NUBPL: variants seen among roughly 807,000 people sequenced by gnomAD.
NUBPL encodes NUBP iron-sulfur cluster assembly factor, mitochondrial, also known as iron-sulfur cluster transfer protein NUBPL.
A neutral mutation model predicts 45.7 loss-of-function variants in NUBPL; 31 were observed. The ratio of observed to expected loss-of-function variants is 0.68; its 90% confidence interval spans 0.51 to 0.92. The LOEUF is 0.92. NUBPL is among the 40% of genes least tolerant of loss of function. NUBPL has a pLI of 0.00. For synonymous variants in NUBPL, 144 were observed against 140.9 expected (o/e 1.02, Z -0.15); for missense variants, 401 against 398.7 (o/e 1.01, Z -0.05).
In NUBPL at chr14:31,676,180, C is replaced by T. The variant is rs371721388; in HGVS notation, c.513+2606C>T. 3.9e-5 allele frequency among the ~76,000 whole-genome samples: 6 copies of T among 152,216 alleles called. No individual in the cohort carries two copies. In the East Asian group the frequency reaches 9.7e-4, roughly 25 times the overall value. On this transcript the variant is annotated intron_variant, in intron 6 of 10. Transcript: ENST00000281081. Reference sequence around the variant, plus strand: ...TGGGACTACAAGGCATGCGCCACCACGCCTGGCTAATTTTGTATTTTTAGT... The same window carrying T: ...TGGGACTACAAGGCATGCGCCACCATGCCTGGCTAATTTTGTATTTTTAGT...
At position 31,561,523 on chromosome 14, in the gene NUBPL, C is replaced by A; in HGVS notation, c.84C>A (p.Ser28Arg). ...GGGATAPLGG[S>R]RAMVCGRQLS... Reference sequence around the variant, plus strand: ...GGGCCACTGCCCCGCTTGGGGGAAGCCGAGCGATGGTTTGTGGGCGCCAGG... The same window carrying A: ...GGGCCACTGCCCCGCTTGGGGGAAGACGAGCGATGGTTTGTGGGCGCCAGG... The change falls in exon 1 of 11, where the codon AGC becomes AGA. Residue 28 changes from serine to arginine, a missense_variant. Transcript: ENST00000281081. 7.2e-7 allele frequency: 1 copy of A among 1,382,194 alleles called. No individual in the cohort carries two copies. Among genetic ancestry groups the A allele is most frequent in the Non-Finnish European group, 9.4e-7 (1 of 1,060,424 alleles). The allele number at this position is 1,382,194 out of a possible 1,614,324, so 85.6% of individuals were successfully genotyped here.
At chr14:31,853,542 A>G (rs2040573213) in intron 10 of NUBPL, among the ~76,000 whole-genome samples, 1 of 152,238 alleles carries the variant, frequency 6.6e-6, no homozygotes, top group Non-Finnish European at 1.5e-5. Context: ...CTTTAGAATT[A>G]CACACTGAGG....
chr14:31,614,985 A>AT (rs1214604376), intron 4 of NUBPL, among the ~76,000 whole-genome samples: 2 of 152,158 alleles, frequency 1.3e-5, no homozygotes, highest in Non-Finnish European at 2.9e-5. Flanking sequence ...GGTATTGAGG[A>AT]TTGACAATGA....
At chr14:31,583,851 G>A (rs773640870) in intron 3 of NUBPL, among the ~76,000 whole-genome samples, 2 of 152,172 alleles carry the variant, frequency 1.3e-5, no homozygotes, top group South Asian at 2.1e-4. Flanking sequence ...GGATATGGGA[G>A]TGGAGAGGAA....
At chr14:31,570,930 T>C (rs1180029726) in intron 3 of NUBPL, among the ~76,000 whole-genome samples, 2 of 152,196 alleles carry the variant, frequency 1.3e-5, no homozygotes, top group Admixed American at 6.5e-5. Flanking sequence ...TCTCTCACTA[T>C]TGAAATCACA....
chr14:31,570,387 AG>A (rs2033550615), intron 3 of NUBPL, among the ~76,000 whole-genome samples: 1 of 152,216 alleles, frequency 6.6e-6, no homozygotes, highest in Non-Finnish European at 1.5e-5. Context: ...TAAGGACAAA[AG>A]GAAGACAAAT....
chr14:31,681,773 C>T (rs1488531419), intron 6 of NUBPL, among the ~76,000 whole-genome samples: 2 of 151,926 alleles, frequency 1.3e-5, no homozygotes, highest in South Asian at 2.1e-4. Context: ...TTTCTAATTT[C>T]CTTCTTTTGC....
chr14:31,573,230 C>T (rs1340922915), intron 3 of NUBPL, among the ~76,000 whole-genome samples: 5 of 152,160 alleles, frequency 3.3e-5, no homozygotes, highest in Non-Finnish European at 5.9e-5. Context: ...ATGTCACCAC[C>T]GTTGTATATG....
intron 6 of NUBPL, among the ~76,000 whole-genome samples, chr14:31,725,802 C>T (rs777022152): frequency 3.3e-5 from 5 of 150,248 alleles, no homozygotes; most frequent in Admixed American, 6.7e-5. Flanking sequence ...CTCCACCTCC[C>T]GGGTTTAAAC....
At chr14:31,612,189 A>G (rs1024448969) in intron 4 of NUBPL, among the ~76,000 whole-genome samples, 6 of 152,226 alleles carry the variant, frequency 3.9e-5, no homozygotes, top group Non-Finnish European at 8.8e-5. Context: ...TTAATAATGA[A>G]TATATTACTT....
At chr14:31,685,210 C>T (rs145756383) in intron 6 of NUBPL, among the ~76,000 whole-genome samples, 1 of 152,214 alleles carries the variant, frequency 6.6e-6, no homozygotes, top group East Asian at 1.9e-4. Flanking sequence ...GTTTGGGAAT[C>T]ACTGGTGTGG....
intron 6 of NUBPL, among the ~76,000 whole-genome samples, chr14:31,754,547 T>C (rs1466717017): frequency 6.6e-6 from 1 of 150,870 alleles, no homozygotes; most frequent in East Asian, 1.9e-4. Context: ...ATCTATAGAT[T>C]TAGAAGATTG....
At position 31,841,917 on chromosome 14, in the gene NUBPL, C is replaced by CTTTTGTTTTTTTTTTTTTT; in HGVS notation, c.694-4550_694-4549insGTTTTTTTTTTTTTTTTTT. Among the ~76,000 whole-genome samples, 345 of 43,048 alleles carry CTTTTGTTTTTTTTTTTTTT rather than the reference C, an allele frequency of 8.0e-3. 42 individuals are homozygous for CTTTTGTTTTTTTTTTTTTT. The highest frequency in any genetic ancestry group is 0.011 in the Non-Finnish European group (268 of 23,470). The allele number at this position is 43,048 out of a possible 152,430, so 28.2% of individuals were successfully genotyped here. ...CTTTCATGTATGGGTCGATTCTGGG[C>CTTTTGTTTTTTTTTTTTTT]TTTTTTTTTTTTTTTTTTTTTTTTT... On this transcript the variant is annotated intron_variant, in intron 8 of 10. Coordinates refer to ENST00000281081, the MANE Select transcript of NUBPL (RefSeq NM_025152.3).
chr14:31,599,844 T>C lies in NUBPL; in HGVS notation c.382+465T>C, dbSNP rs138946731. 4.1e-3 allele frequency among the ~76,000 whole-genome samples: 623 copies of C among 152,270 alleles called. 7 individuals are homozygous for C. Among genetic ancestry groups the C allele is most frequent in the Non-Finnish European group, 7.3e-3 (496 of 68,014 alleles). On this transcript the variant is annotated intron_variant, in intron 4 of 10. Coordinates refer to ENST00000281081, the MANE Select transcript of NUBPL (RefSeq NM_025152.3). ...TCATGCAATTCAAGAGTAACCAATA[T>C]GGCAGATCATTGAGCATTTTCTTAC...
chr14:31,750,493 G>A (rs1422299319), intron 6 of NUBPL, among the ~76,000 whole-genome samples: 6 of 151,628 alleles, frequency 4.0e-5, no homozygotes, highest in Non-Finnish European at 7.4e-5. Context: ...CACCGCGCCT[G>A]GCCACAATCA....
intron 6 of NUBPL, among the ~76,000 whole-genome samples, chr14:31,748,525 T>C (rs2038450017): frequency 6.6e-6 from 1 of 151,020 alleles, no homozygotes; most frequent in South Asian, 2.1e-4. Context: ...TCTTCCTGCA[T>C]TGATTCCTTC....
chr14:31,768,589 C>T (rs2038954432), intron 6 of NUBPL, among the ~76,000 whole-genome samples: 1 of 152,196 alleles, frequency 6.6e-6, no homozygotes, highest in Non-Finnish European at 1.5e-5. Context: ...CCTAAACCCC[C>T]AGTACTGAGA....
At chr14:31,617,291 G>C (rs549569211) in intron 4 of NUBPL, among the ~76,000 whole-genome samples, 1 of 152,164 alleles carries the variant, frequency 6.6e-6, no homozygotes, top group East Asian at 1.9e-4. Context: ...TTATTGCCCT[G>C]GCCAGAACTT....
chr14:31,807,080 A>G (rs1327068396), intron 7 of NUBPL, among the ~76,000 whole-genome samples: 1 of 152,176 alleles, frequency 6.6e-6, no homozygotes. Flanking sequence ...CACAATAAAC[A>G]TATGTGTGCA....
Sources: gnomAD v4.1 joint callset for allele counts (sites outside exome capture counted in the v4.1 genomes callset) on GRCh38, gnomAD v4.1.1 for gene constraint, MANE v1.5 for transcripts, NCBI Gene and HGNC (gene_info 2026-07-23, HGNC 2026-07-21) for gene names.